Variants in PPP1R3A observed in about 807,000 individuals in gnomAD.
The protein encoded by PPP1R3A is RG1.
A neutral mutation model predicts 41.7 loss-of-function variants in PPP1R3A; 29 were observed. The observed-to-expected ratio is 0.70, with a 90% confidence interval of 0.52 to 0.95. The LOEUF (loss-of-function observed/expected upper bound fraction) is 0.95. Among genes scored for constraint, PPP1R3A ranks in the 40% least tolerant of loss-of-function variants. The pLI is 0.00. For missense variants in PPP1R3A, 1,352 were observed against 1,292.4 expected (o/e 1.05, Z -0.71); for synonymous variants, 485 against 453.4 (o/e 1.07, Z -0.89).
intron 1 of PPP1R3A, among the ~76,000 whole-genome samples, chr7:113,913,729 C>CCCCA (rs2129121196): frequency 6.6e-6 from 1 of 152,228 alleles, no homozygotes; most frequent in Non-Finnish European, 1.5e-5. Flanking sequence ...GGAGACCACC[C>CCCCA]CCCAGGCCAG....
At chr7:113,900,189 G>A (rs1438984890) in intron 1 of PPP1R3A, among the ~76,000 whole-genome samples, 1 of 151,648 alleles carries the variant, frequency 6.6e-6, no homozygotes, top group African/African-American at 2.4e-5. Context: ...ACTTGGGCTA[G>A]CAAAATGTTT....
intron 1 of PPP1R3A, among the ~76,000 whole-genome samples, chr7:113,915,358 CTT>C (rs1193289956): frequency 6.6e-6 from 1 of 151,926 alleles, no homozygotes; most frequent in Non-Finnish European, 1.5e-5. Flanking sequence ...ATTATTGACA[CTT>C]TCAGAAGATA....
intron 1 of PPP1R3A, among the ~76,000 whole-genome samples, chr7:113,896,036 T>C (rs1361422048): frequency 1.3e-5 from 2 of 151,880 alleles, no homozygotes; most frequent in Admixed American, 6.6e-5. Context: ...GTCATTAATA[T>C]GCGGATCATT....
At position 113,879,096 on chromosome 7, in the gene PPP1R3A, T is replaced by C. The variant is rs1173869667; in HGVS notation, c.1996A>G (p.Arg666Gly). Residue 666 changes from arginine (R) to glycine (G), a missense_variant, in exon 4 of 4, where the codon AGA becomes GGA. Transcript: ENST00000284601. ...TCTGTTATGTTTGTCTTATTCTCTC[T>C]TGATTTTCCCTGACTTTCCAGAACA... ...WNVLESQGKSRENKTNITEHI... is the reference protein window; with the variant it reads ...WNVLESQGKSGENKTNITEHI... 1.2e-6 allele frequency: 2 copies of C among 1,613,822 alleles called. No homozygotes were observed. Among genetic ancestry groups the C allele is most frequent in the Admixed American group, 3.3e-5 (2 of 59,966 alleles).
rs1654115859 is a variant in PPP1R3A, at chr7:113,878,132, C to T, written c.2960G>A (p.Ser987Asn). The change falls in exon 4 of 4, where the codon AGT becomes AAT. Residue 987 changes from serine to asparagine, a missense_variant. Physicochemically the swap from Ser to Asn is conservative, Grantham distance 46. Transcript: ENST00000284601. ...SRSSGIVTSG[S>N]RKERCIGQIF... ...CTGGCCTATGCATCTTTCTTTTCTACTACCTGATGTCACTATTCCTGAACT... is the reference window on the plus strand; with the variant it reads ...CTGGCCTATGCATCTTTCTTTTCTATTACCTGATGTCACTATTCCTGAACT... 1 of 1,613,276 alleles carries T rather than the reference C, an allele frequency of 6.2e-7. No individual in the cohort carries two copies. Among genetic ancestry groups the T allele is most frequent in the African/African-American group, 1.3e-5 (1 of 74,878 alleles).
At chr7:113,880,887 T>C (rs747697930) in intron 3 of PPP1R3A, among the ~76,000 whole-genome samples, 2 of 152,076 alleles carry the variant, frequency 1.3e-5, no homozygotes, top group Admixed American at 6.6e-5. Context: ...CCATCTATTA[T>C]AGAGCTTCAT....
At chr7:113,900,515 T>C (rs976137634) in intron 1 of PPP1R3A, among the ~76,000 whole-genome samples, 16 of 151,136 alleles carry the variant, frequency 1.1e-4, no homozygotes, top group Non-Finnish European at 1.5e-4. Flanking sequence ...TTGCAGTCTT[T>C]CAGAATCATC....
intron 1 of PPP1R3A, among the ~76,000 whole-genome samples, chr7:113,894,080 T>TG (rs1356113050): frequency 6.6e-6 from 1 of 151,986 alleles, no homozygotes; most frequent in Non-Finnish European, 1.5e-5. Context: ...ATTCTCTGAT[T>TG]GGATTGGGCA....
chr7:113,880,925 G>C (rs1487356973), intron 3 of PPP1R3A, among the ~76,000 whole-genome samples: 1 of 152,024 alleles, frequency 6.6e-6, no homozygotes, highest in Non-Finnish European at 1.5e-5. Flanking sequence ...TCAGCATGGA[G>C]CAAATTAGCA....
In PPP1R3A at chr7:113,892,850, A is replaced by G. The variant is rs147632339; in HGVS notation, c.783-10530T>C. On this transcript the variant is annotated intron_variant, in intron 1 of 3. Coordinates refer to ENST00000284601, the MANE Select transcript of PPP1R3A (RefSeq NM_002711.4). ...TTAAAAAATGTCTTTATATTCTTCT[A>G]TGCTGAATCTGGGGACTAATAACTG... Among the ~76,000 whole-genome samples the G allele has an allele frequency of 2.6e-4, 39 of 152,188 alleles. No homozygotes were observed. In the East Asian group the frequency reaches 7.6e-3, roughly 29 times the overall value.
intron 1 of PPP1R3A, among the ~76,000 whole-genome samples, chr7:113,917,025 T>C (rs977593649): frequency 2.0e-5 from 3 of 152,092 alleles, no homozygotes; most frequent in African/African-American, 7.2e-5. Context: ...ATTTAGTTTA[T>C]TAATACATTG....
intron 1 of PPP1R3A, among the ~76,000 whole-genome samples, chr7:113,905,554 C>T (rs1159970950): frequency 1.3e-5 from 2 of 151,754 alleles, no homozygotes; most frequent in African/African-American, 4.8e-5. Context: ...TATCAAAAAC[C>T]ATTTTAAAAT....
chr7:113,880,581 G>A (rs115035970), intron 3 of PPP1R3A, among the ~76,000 whole-genome samples: 5 of 152,022 alleles, frequency 3.3e-5, no homozygotes, highest in African/African-American at 4.8e-5. Context: ...ATAGCAAAAC[G>A]TCACTCAAAG....
At chr7:113,885,724 C>T (rs1025507414) in intron 1 of PPP1R3A, among the ~76,000 whole-genome samples, 24 of 151,138 alleles carry the variant, frequency 1.6e-4, no homozygotes, top group East Asian at 7.9e-4. Flanking sequence ...TTAAATGAAC[C>T]GTTCCAAAGT....
intron 1 of PPP1R3A, among the ~76,000 whole-genome samples, chr7:113,908,427 T>C (rs981873284): frequency 2.6e-5 from 4 of 151,896 alleles, no homozygotes; most frequent in African/African-American, 9.7e-5. Context: ...CTGCTTCCCA[T>C]GTTTAATTTC....
rs777079549 is a variant in PPP1R3A, at chr7:113,879,662, A to AT, written c.1429dup (p.Ile477AsnfsTer2). The AT allele has an allele frequency of 5.0e-6, 8 of 1,613,130 alleles. No individual in the cohort carries two copies. The highest frequency in any genetic ancestry group is 3.3e-5 in the South Asian group (3 of 91,050). On this transcript the variant is annotated frameshift_variant, in exon 4 of 4. Transcript: ENST00000284601. LOFTEE classifies it low-confidence loss of function (END_TRUNC). Reference sequence around the variant, plus strand: ...TAAACATCCCAAATCTTTTACTTCAATATTTTTAGCTCCTCCTTCATGTTT... The same window carrying AT: ...TAAACATCCCAAATCTTTTACTTCAATTATTTTTAGCTCCTCCTTCATGTTT...
At chr7:113,903,100 A>C (rs1263395198) in intron 1 of PPP1R3A, among the ~76,000 whole-genome samples, 3 of 151,810 alleles carry the variant, frequency 2.0e-5, no homozygotes, top group Non-Finnish European at 4.4e-5. Context: ...GTATTACAGA[A>C]GAAACCATAG....
chr7:113,907,970 T>C (rs970992231), intron 1 of PPP1R3A, among the ~76,000 whole-genome samples: 4 of 151,866 alleles, frequency 2.6e-5, no homozygotes, highest in Admixed American at 2.0e-4. Context: ...TAGGAAAAGT[T>C]GTGCTCTAGA....
At chr7:113,887,245 A>G (rs542934690) in intron 1 of PPP1R3A, among the ~76,000 whole-genome samples, 2 of 152,216 alleles carry the variant, frequency 1.3e-5, no homozygotes, top group African/African-American at 4.8e-5. Context: ...ATAATTTTAA[A>G]ATCATTATAA....
Sources: gnomAD v4.1 joint callset for allele counts (sites outside exome capture counted in the v4.1 genomes callset) on GRCh38, gnomAD v4.1.1 for gene constraint, MANE v1.5 for transcripts, NCBI Gene and HGNC (gene_info 2026-07-23, HGNC 2026-07-21) for gene names.